The following KAZN variants were observed in gnomAD, a reference collection of about 807,000 sequenced individuals.
KAZN encodes kazrin.
Under a neutral mutation model 87.4 loss-of-function variants are expected in KAZN, and 40 were observed. The observed-to-expected ratio is 0.46, with a 90% CI of 0.36 to 0.60. KAZN has a LOEUF of 0.60. Ranked by LOEUF, KAZN falls within the 20% of genes least tolerant of loss-of-function variation. KAZN has a pLI of 0.00. For synonymous variants in KAZN, 466 were observed against 458.3 expected (o/e 1.02, Z -0.22); for missense variants, 898 against 1,073.9 (o/e 0.84, Z 2.29).
intron 2 of KAZN, among the ~76,000 whole-genome samples, chr1:15,032,150 T>C (rs1368977134): frequency 6.6e-6 from 1 of 150,512 alleles, no homozygotes; most frequent in African/African-American, 2.4e-5. Flanking sequence ...CTCCTTTCTG[T>C]CTCTATAGAT....
At chr1:14,125,870 A>G (rs1411826706) in intron 1 of KAZN, among the ~76,000 whole-genome samples, 2 of 149,232 alleles carry the variant, frequency 1.3e-5, no homozygotes, top group Non-Finnish European at 3.0e-5. Context: ...CGTTAGATTC[A>G]GGCAACAAAG....
chr1:14,724,473 C>T (rs2100311763), intron 1 of KAZN, among the ~76,000 whole-genome samples: 1 of 152,338 alleles, frequency 6.6e-6, no homozygotes, highest in South Asian at 2.1e-4. Context: ...TAATTACCAA[C>T]CTAAGTAGAT....
At chr1:14,486,121 C>T (rs1280323001) in intron 2 of KAZN, among the ~76,000 whole-genome samples, 2 of 152,144 alleles carry the variant, frequency 1.3e-5, no homozygotes, top group Non-Finnish European at 2.9e-5. Context: ...CTTTGGGGCT[C>T]GCCTGCCCTG....
rs376128747 is a variant in KAZN at position 15,044,181 on chromosome 1, G to A, written c.726+22G>A. 67 of 1,574,670 alleles carry A rather than the reference G, an allele frequency of 4.3e-5. No homozygotes were observed. The Admixed American group carries it at 1.2e-3, about 27-fold the overall frequency. ...CATGGTGAGAACCCTCCCCACCCAG[G>A]TGGGCCTGGCATCTGCTAGCAGTGC... On this transcript the variant is annotated intron_variant, in intron 4 of 14. Coordinates refer to ENST00000376030, the MANE Select transcript of KAZN (RefSeq NM_201628.3).
At chr1:14,243,324 C>A (rs939024659) in intron 2 of KAZN, among the ~76,000 whole-genome samples, 11 of 151,132 alleles carry the variant, frequency 7.3e-5, no homozygotes, top group African/African-American at 2.4e-4. Flanking sequence ...TCGGGCCCTA[C>A]CCTTTTCTGC....
chr1:14,871,120 A>T (rs1652081165), intron 1 of KAZN, among the ~76,000 whole-genome samples: 1 of 152,160 alleles, frequency 6.6e-6, no homozygotes, highest in Non-Finnish European at 1.5e-5. Context: ...CAGAAGCTCC[A>T]GTGTTCAAGG....
intron 1 of KAZN, among the ~76,000 whole-genome samples, chr1:14,008,461 C>A (rs946879505): frequency 6.6e-6 from 1 of 152,132 alleles, no homozygotes; most frequent in African/African-American, 2.4e-5. Context: ...ATTATCTGTT[C>A]ATTTGTTAAT....
intron 1 of KAZN, among the ~76,000 whole-genome samples, chr1:14,008,946 A>G (rs1640158032): frequency 6.6e-6 from 1 of 152,310 alleles, no homozygotes; most frequent in East Asian, 1.9e-4. Flanking sequence ...CTCTGTAGCC[A>G]TTAAACAGTA....
At chr1:15,060,400 G>C (rs1001434211) in intron 6 of KAZN, 98 bp downstream of exon 6, 7 of 1,490,874 alleles carry the variant, frequency 4.7e-6, no homozygotes, top group Non-Finnish European at 6.5e-6. Flanking sequence ...GTTTCCTCTC[G>C]TCCACCCAGG....
intron 2 of KAZN, among the ~76,000 whole-genome samples, chr1:14,330,257 T>C (rs899290786): frequency 1.3e-5 from 2 of 152,074 alleles, no homozygotes; most frequent in Non-Finnish European, 2.9e-5. Context: ...GGAAGAGGAG[T>C]ATCTGCAGTC....
intron 2 of KAZN, among the ~76,000 whole-genome samples, chr1:14,458,475 T>A (rs951525861): frequency 6.6e-6 from 1 of 152,214 alleles, no homozygotes; most frequent in Non-Finnish European, 1.5e-5. Context: ...TGGCCAGTGC[T>A]ATGACAAACA....
chr1:14,173,542 G>A (rs1646000462), intron 1 of KAZN, among the ~76,000 whole-genome samples: 1 of 152,164 alleles, frequency 6.6e-6, no homozygotes, highest in African/African-American at 2.4e-5. Context: ...CAAGCAGATT[G>A]AATCCCAGGA....
At chr1:14,956,668 T>C (rs1002721838) in intron 1 of KAZN, among the ~76,000 whole-genome samples, 2 of 151,772 alleles carry the variant, frequency 1.3e-5, no homozygotes, top group South Asian at 2.1e-4. Context: ...ACAATGGACA[T>C]ACTGTTAGCA....
Position 14,411,383 on chromosome 1 carries a change from C to CT in KAZN, c.250-187599dup, listed in dbSNP as rs577268291. 2.7e-3 allele frequency among the ~76,000 whole-genome samples: 407 copies of CT among 152,346 alleles called. 3 individuals carry two copies. The highest frequency in any genetic ancestry group is 0.024 in the Admixed American group (362 of 15,306). On this transcript the variant is annotated intron_variant, in intron 2 of 16. Transcript: ENST00000636203. Reference sequence around the variant, plus strand: ...GATCACAGCTCAGTGTAACCTCCGTCTCCCTAGTTCAAGCAGTTCCCCTGC... The same window carrying CT: ...GATCACAGCTCAGTGTAACCTCCGTCTTCCCTAGTTCAAGCAGTTCCCCTGC...
intron 1 of KAZN, among the ~76,000 whole-genome samples, chr1:14,024,624 G>C (rs1640989002): frequency 1.3e-5 from 2 of 152,180 alleles, no homozygotes; most frequent in African/African-American, 4.8e-5. Context: ...GCACTTGAAG[G>C]TAATTCCTGG....
chr1:14,733,572 CGGGGAGT>C (rs1336449756), intron 1 of KAZN, among the ~76,000 whole-genome samples: 1 of 151,928 alleles, frequency 6.6e-6, no homozygotes, highest in Non-Finnish European at 1.5e-5. Context: ...ACCTCTCTTT[CGGGGAGT>C]GGGGGAGTTC....
intron 1 of KAZN, among the ~76,000 whole-genome samples, chr1:14,901,612 G>A (rs963536574): frequency 6.6e-6 from 1 of 152,134 alleles, no homozygotes; most frequent in Non-Finnish European, 1.5e-5. Context: ...AGACGAGGGT[G>A]GCAGCAGTTG....
In KAZN at chr1:15,077,736, A is replaced by G. The variant is rs578215363; in HGVS notation, c.1222+11983A>G. Among the ~76,000 whole-genome samples, 2 of 152,198 alleles carry G rather than the reference A, an allele frequency of 1.3e-5. No homozygotes were observed. The highest frequency in any genetic ancestry group is 2.9e-5 in the Non-Finnish European group (2 of 68,048). Reference sequence around the variant, plus strand: ...TCCGTATTATCCAAGAAATCCCAGGAGGCTGCGCAGTTATCAGCATGAAAA... The same window carrying G: ...TCCGTATTATCCAAGAAATCCCAGGGGGCTGCGCAGTTATCAGCATGAAAA... On this transcript the variant is annotated intron_variant, in intron 8 of 14. Transcript: ENST00000376030. This position sits in a 1 kb window ranked among gnomAD's most constrained non-coding sequence, Gnocchi z 4.8.
intron 1 of KAZN, among the ~76,000 whole-genome samples, chr1:13,928,728 A>C (rs1460739491): frequency 6.6e-6 from 1 of 152,240 alleles, no homozygotes; most frequent in African/African-American, 2.4e-5. Flanking sequence ...GGAAAGAAAG[A>C]GTAACTTCTA....
Sources: allele counts gnomAD v4.1 joint callset (sites outside exome capture counted in the v4.1 genomes callset), GRCh38; gene constraint gnomAD v4.1.1; non-coding constraint Gnocchi (gnomAD v3.1); transcripts MANE v1.5; gene names NCBI Gene and HGNC (gene_info 2026-07-23, HGNC 2026-07-21).